Variants in OR6C74 observed in about 807,000 individuals in gnomAD.
OR6C74 encodes olfactory receptor family 6 subfamily C member 74, also known as olfactory receptor 6C74.
For missense variants in OR6C74, 361 were observed against 362.9 expected (o/e 0.99, Z 0.04); for synonymous variants, 142 against 134.2 (o/e 1.06, Z -0.40).
In OR6C74 at chr12:55,247,605, G is replaced by A; in HGVS notation, c.318G>A (p.Gly106=). 1 of 1,613,816 alleles carries A rather than the reference G, an allele frequency of 6.2e-7. No homozygotes were observed. The change falls in exon 2 of 2, where the codon GGG becomes GGA. Residue 106 remains glycine (G), a synonymous_variant. Transcript: ENST00000343399. ...AGCTGTTTTTCACTATTCTCTTGGG[G>A]GCAACTGAATTTTTTCTTCTGGCTG... The part of the protein sequence containing the change: ...AAQLFFTILL[G]ATEFFLLAAM...
rs1156889391 is a variant in OR6C74, at chr12:55,248,025, G to A, written c.738G>A (p.Val246=). The change falls in exon 2 of 2, where the codon GTG becomes GTA. Residue 246 remains valine, a synonymous_variant. Transcript: ENST00000343399. ...FSTCSSHMVV[V]SISYGSCIFM... is the part of the protein sequence containing the mutation. ...CATGTTCTTCCCACATGGTGGTCGT[G>A]TCCATTTCTTATGGCAGCTGCATCT... 2 of 1,613,926 alleles carry A rather than the reference G, an allele frequency of 1.2e-6. No homozygotes were observed. Among genetic ancestry groups the A allele is most frequent in the South Asian group, 1.1e-5 (1 of 91,076 alleles).
rs1477576362 is a variant in OR6C74 at position 55,254,254 on chromosome 12, A to G, written c.*6028A>G. 1.3e-5 allele frequency among the ~76,000 whole-genome samples: 2 copies of G among 152,100 alleles called. No homozygotes were observed. The highest frequency in any genetic ancestry group is 4.8e-5 in the African/African-American group (2 of 41,436). On this transcript the variant is annotated 3_prime_UTR_variant, in exon 2 of 2. Transcript: ENST00000343399. The stretch of plus-strand genomic sequence containing the variant: ...TTGTGAATATTTTAATATCTTGCCA[A>G]AAGATTTTCCTCTGGGTATTCTCCA...
rs1565648581 is a variant in OR6C74, at chr12:55,252,411, C to A, written c.*4185C>A. Reference sequence around the variant, plus strand: ...TATTCTTCAATCCCATTCAAATATGCTTTTTTTTTTGAAATTGACTACATT... The same window carrying A: ...TATTCTTCAATCCCATTCAAATATGATTTTTTTTTTGAAATTGACTACATT... On this transcript the variant is annotated 3_prime_UTR_variant, in exon 2 of 2. Transcript: ENST00000343399. Among the ~76,000 whole-genome samples, 2 of 148,564 alleles carry A rather than the reference C, an allele frequency of 1.3e-5. No individual in the cohort carries two copies. Among genetic ancestry groups the A allele is most frequent in the Non-Finnish European group, 3.0e-5 (2 of 66,908 alleles).
intron 1 of OR6C74, among the ~76,000 whole-genome samples, chr12:55,245,850 T>C (rs534632656): frequency 6.5e-4 from 99 of 152,192 alleles, no homozygotes; most frequent in Admixed American, 8.5e-4. Context: ...CTAATGAATA[T>C]GGACTACATT....
chr12:55,250,332 T>C lies in OR6C74; in HGVS notation c.*2106T>C, dbSNP rs1954304277. On this transcript the variant is annotated 3_prime_UTR_variant, in exon 2 of 2. Transcript: ENST00000343399. ...AGGTAAATCCATAAATCATTGAATG[T>C]ATATTAAAAACTTTTTCTCCCCTTT... Among the ~76,000 whole-genome samples, 1 of 151,772 alleles carries C rather than the reference T, an allele frequency of 6.6e-6. No individual in the cohort carries two copies. Among genetic ancestry groups the C allele is most frequent in the South Asian group, 2.1e-4 (1 of 4,834 alleles).
rs1954342225 is a variant in OR6C74 at position 55,256,060 on chromosome 12, C to A, written c.*7834C>A. Among the ~76,000 whole-genome samples, 1 of 152,058 alleles carries A rather than the reference C, an allele frequency of 6.6e-6. No homozygotes were observed. Among genetic ancestry groups the A allele is most frequent in the Non-Finnish European group, 1.5e-5 (1 of 67,998 alleles). On this transcript the variant is annotated 3_prime_UTR_variant, in exon 2 of 2. Transcript: ENST00000343399. Reference sequence around the variant, plus strand: ...CCTGATTATTGTAAATACAAAATTGCATGCAGGATTGTGTAAAGACAATGC... The same window carrying A: ...CCTGATTATTGTAAATACAAAATTGAATGCAGGATTGTGTAAAGACAATGC...
rs2136316949 is a variant in OR6C74, at chr12:55,256,125, G to GCTTC, written c.*7901_*7904dup. ...AGAATGAGCCAACAGCACATGATGT[G>GCTTC]CTTCCCCCTGCAGAGAGCCTACGAA... is the stretch of plus-strand genomic sequence containing the variant. On this transcript the variant is annotated 3_prime_UTR_variant, in exon 2 of 2. Coordinates refer to ENST00000343399, the MANE Select transcript of OR6C74 (RefSeq NM_001005490.2). Among the ~76,000 whole-genome samples, 1 of 152,216 alleles carries GCTTC rather than the reference G, an allele frequency of 6.6e-6. No individual in the cohort carries two copies. The highest frequency in any genetic ancestry group is 2.4e-5 in the African/African-American group (1 of 41,556).
intron 1 of OR6C74, among the ~76,000 whole-genome samples, chr12:55,245,989 G>A (rs938365720): frequency 1.3e-5 from 2 of 152,116 alleles, no homozygotes; most frequent in Non-Finnish European, 1.5e-5. Flanking sequence ...TATAATCACT[G>A]GAAATGCTTG....
Position 55,252,879 on chromosome 12 carries a change from A to G in OR6C74, c.*4653A>G, listed in dbSNP as rs1046482729. Reference sequence around the variant, plus strand: ...GATTCTGTATCTGATACAAGTTTTTAAATTATTACTTAGCATATCATCATA... The same window carrying G: ...GATTCTGTATCTGATACAAGTTTTTGAATTATTACTTAGCATATCATCATA... On this transcript the variant is annotated 3_prime_UTR_variant, in exon 2 of 2. Coordinates refer to ENST00000343399, the MANE Select transcript of OR6C74 (RefSeq NM_001005490.2). Among the ~76,000 whole-genome samples, 1 of 152,076 alleles carries G rather than the reference A, an allele frequency of 6.6e-6. No individual in the cohort carries two copies. Among genetic ancestry groups the G allele is most frequent in the Admixed American group, 6.6e-5 (1 of 15,250 alleles).
rs1360415897 is a variant in OR6C74 at position 55,248,325 on chromosome 12, C to G, written c.*99C>G. The G allele has an allele frequency of 2.8e-6, 2 of 702,078 alleles. No individual in the cohort carries two copies. The highest frequency in any genetic ancestry group is 1.8e-5 in the African/African-American group (1 of 55,514). The allele number at this position is 702,078 out of a possible 1,614,324, so 43.5% of individuals were successfully genotyped here. On this transcript the variant is annotated 3_prime_UTR_variant, in exon 2 of 2. Transcript: ENST00000343399. The stretch of plus-strand genomic sequence containing the variant: ...ATGTTTGTATTCAATAATATTACCT[C>G]TTTTTTGACTTATAATTTTCATTAT...
rs1025080529 is a variant in OR6C74, at chr12:55,256,032, G to T, written c.*7806G>T. On this transcript the variant is annotated 3_prime_UTR_variant, in exon 2 of 2. Transcript: ENST00000343399. The stretch of plus-strand genomic sequence containing the variant: ...ATTGCTATGGAATAAAAGGTGAAAT[G>T]CTCCTGATTATTGTAAATACAAAAT... Among the ~76,000 whole-genome samples, 7 of 152,068 alleles carry T rather than the reference G, an allele frequency of 4.6e-5. No homozygotes were observed. Among genetic ancestry groups the T allele is most frequent in the Non-Finnish European group, 1.0e-4 (7 of 67,992 alleles).
chr12:55,254,595 A>T lies in OR6C74; in HGVS notation c.*6369A>T, dbSNP rs1044904583. ...GTCATGGGAACTTCATGATTTGCTG[A>T]TTATTGTATAATTCAAGATAATAAT... is the stretch of plus-strand genomic sequence containing the variant. On this transcript the variant is annotated 3_prime_UTR_variant, in exon 2 of 2. Transcript: ENST00000343399. Among the ~76,000 whole-genome samples the T allele has an allele frequency of 2.6e-5, 4 of 152,116 alleles. No homozygotes were observed. Among genetic ancestry groups the T allele is most frequent in the African/African-American group, 9.7e-5 (4 of 41,450 alleles).
In OR6C74 at chr12:55,254,550, A is replaced by C. The variant is rs1353568792; in HGVS notation, c.*6324A>C. Among the ~76,000 whole-genome samples the C allele has an allele frequency of 6.6e-6, 1 of 152,114 alleles. No homozygotes were observed. The highest frequency in any genetic ancestry group is 1.5e-5 in the Non-Finnish European group (1 of 67,998). On this transcript the variant is annotated 3_prime_UTR_variant, in exon 2 of 2. Transcript: ENST00000343399. ...GCACCAAGTGACATGAGGATTTAAGAGATAAATTTATTTAGGACAGTCATG... is the reference window on the plus strand; with the variant it reads ...GCACCAAGTGACATGAGGATTTAAGCGATAAATTTATTTAGGACAGTCATG...
chr12:55,246,919 C>T (rs1416523529), intron 1 of OR6C74, among the ~76,000 whole-genome samples: 2 of 150,346 alleles, frequency 1.3e-5, no homozygotes, highest in Non-Finnish European at 2.9e-5. Context: ...GAGTGAATCA[C>T]CAGATGGTAT....
In OR6C74 at chr12:55,254,902, A is replaced by T. The variant is rs1954333407; in HGVS notation, c.*6676A>T. Among the ~76,000 whole-genome samples, 2 of 152,120 alleles carry T rather than the reference A, an allele frequency of 1.3e-5. No homozygotes were observed. The highest frequency in any genetic ancestry group is 1.3e-4 in the Admixed American group (2 of 15,266). Reference sequence around the variant, plus strand: ...TAATTATAAATTACCCTTCTTAAGGATCTATTTCATGCAACCACTTGTAGT... The same window carrying T: ...TAATTATAAATTACCCTTCTTAAGGTTCTATTTCATGCAACCACTTGTAGT... On this transcript the variant is annotated 3_prime_UTR_variant, in exon 2 of 2. Coordinates refer to ENST00000343399, the MANE Select transcript of OR6C74 (RefSeq NM_001005490.2).
At position 55,248,585 on chromosome 12, in the gene OR6C74, T is replaced by G. The variant is rs1954292549; in HGVS notation, c.*359T>G. Among the ~76,000 whole-genome samples the G allele has an allele frequency of 6.6e-6, 1 of 152,186 alleles. No homozygotes were observed. Among genetic ancestry groups the G allele is most frequent in the South Asian group, 2.1e-4 (1 of 4,836 alleles). On this transcript the variant is annotated 3_prime_UTR_variant, in exon 2 of 2. Transcript: ENST00000343399. Reference sequence around the variant, plus strand: ...AATTTGTCATATATTCTACATAGAGTTCAGTAGACTACCTAGGTTTGATCA... The same window carrying G: ...AATTTGTCATATATTCTACATAGAGGTCAGTAGACTACCTAGGTTTGATCA...
At position 55,253,853 on chromosome 12, in the gene OR6C74, T is replaced by A. The variant is rs1197806923; in HGVS notation, c.*5627T>A. The stretch of plus-strand genomic sequence containing the variant: ...CTGGTTCTATGAAAGGATTGAAGTC[T>A]GTAATTGAATAAGGAGCTTTAACTC... On this transcript the variant is annotated 3_prime_UTR_variant, in exon 2 of 2. Transcript: ENST00000343399. 6.6e-6 allele frequency among the ~76,000 whole-genome samples: 1 copy of A among 152,102 alleles called. No individual in the cohort carries two copies. Among genetic ancestry groups the A allele is most frequent in the Non-Finnish European group, 1.5e-5 (1 of 67,974 alleles).
rs11171388 is a variant in OR6C74, at chr12:55,247,468, C to T, written c.181C>T (p.Leu61Phe). The change falls in exon 2 of 2, where the codon CTC becomes TTC. Residue 61 changes from leucine to phenylalanine, a missense_variant. By Grantham distance (22) the Leu-to-Phe change is conservative (BLOSUM62 0). Coordinates refer to ENST00000343399, the MANE Select transcript of OR6C74 (RefSeq NM_001005490.2). ...LHLKTPMYFF[L>F]RNFSFLEVSF... ...TCTCAAGACACCCATGTATTTCTTC[C>T]TCCGAAATTTCTCATTTTTAGAAGT... 16,096 of 1,613,544 alleles carry T rather than the reference C, an allele frequency of 1.0e-2. 1,401 individuals carry two copies. The African/African-American group carries it at 0.19, about 19-fold the overall frequency.
intron 1 of OR6C74, among the ~76,000 whole-genome samples, chr12:55,245,891 C>A (rs1954267458): frequency 1.3e-5 from 2 of 151,320 alleles, no homozygotes; most frequent in Admixed American, 1.3e-4. Context: ...GAAAAATGAT[C>A]AACCAAAAAT....
Sources: allele counts gnomAD v4.1 joint callset (sites outside exome capture counted in the v4.1 genomes callset), GRCh38; gene constraint gnomAD v4.1.1; transcripts MANE v1.5; gene names NCBI Gene and HGNC (gene_info 2026-07-23, HGNC 2026-07-21).